The following SNX29 variants were observed in gnomAD, a reference collection of about 807,000 sequenced individuals.
SNX29 encodes sorting nexin 29, also known as sorting nexin-29.
In SNX29, 78 loss-of-function variants were observed where a neutral mutation model predicts 102.1. That is an observed-to-expected ratio of 0.76 (90% CI 0.64 to 0.92). The LOEUF is 0.92. Ranked by LOEUF, SNX29 falls within the 40% of genes least tolerant of loss-of-function variation. The probability of loss-of-function intolerance (pLI) is 0.00; values close to 1 mark genes in which losing one functional copy is unlikely to be tolerated. For missense variants in SNX29, 1,280 were observed against 1,061.7 expected (o/e 1.21, Z -2.86); for synonymous variants, 580 against 414.5 (o/e 1.40, Z -4.85).
intron 20 of SNX29, among the ~76,000 whole-genome samples, chr16:12,534,509 A>G (rs2077017777): frequency 6.6e-6 from 1 of 152,216 alleles, no homozygotes; most frequent in Non-Finnish European, 1.5e-5. Context: ...GCAGCTCAGC[A>G]AGAAAAGTGG....
chr16:12,555,501 G>A (rs3135010), intron 20 of SNX29, among the ~76,000 whole-genome samples: 31,342 of 151,238 alleles, frequency 0.21, 3,392 homozygotes, highest in East Asian at 0.43. Context: ...GGGGAGTCAC[G>A]CAGGGATTGA....
chr16:12,417,338 C>T (rs2084677608), intron 18 of SNX29, among the ~76,000 whole-genome samples: 2 of 152,188 alleles, frequency 1.3e-5, no homozygotes, highest in African/African-American at 4.8e-5. Context: ...TGGAAGCCGC[C>T]TCTGTCCAGG....
rs115847897 is a variant in SNX29 at position 12,531,435 on chromosome 16, C to G, written c.2318+6594C>G. Among the ~76,000 whole-genome samples the G allele has an allele frequency of 8.5e-3, 1,301 of 152,318 alleles. 20 individuals carry two copies. The highest frequency in any genetic ancestry group is 0.029 in the African/African-American group (1,222 of 41,576). On this transcript the variant is annotated intron_variant, in intron 20 of 20. Coordinates refer to ENST00000566228, the MANE Select transcript of SNX29 (RefSeq NM_032167.5). ...GTTGCAGACAGAAGGCAGGGAGGGCCTGACCCAGATGGCCAAGAGGAAAGG... is the reference window on the plus strand; with the variant it reads ...GTTGCAGACAGAAGGCAGGGAGGGCGTGACCCAGATGGCCAAGAGGAAAGG...
intron 13 of SNX29, among the ~76,000 whole-genome samples, chr16:12,198,485 C>G (rs947568115): frequency 6.6e-5 from 10 of 151,990 alleles, no homozygotes; most frequent in African/African-American, 2.4e-4. Context: ...CAGAAAAAAC[C>G]CAGTCTTCAG....
intron 11 of SNX29, among the ~76,000 whole-genome samples, chr16:12,111,229 A>G (rs1471339702): frequency 6.6e-6 from 1 of 152,100 alleles, no homozygotes; most frequent in African/African-American, 2.4e-5. Flanking sequence ...GTGCATGCAC[A>G]CACCTGTACC....
chr16:12,111,905 T>TG (rs552215974), intron 11 of SNX29, among the ~76,000 whole-genome samples: 230 of 152,010 alleles, frequency 1.5e-3, no homozygotes, highest in African/African-American at 4.8e-3. Context: ...GGGTGTGTGG[T>TG]GGGGGGTCTA....
At chr16:12,208,446 A>T (rs1014059603) in intron 14 of SNX29, among the ~76,000 whole-genome samples, 1 of 152,158 alleles carries the variant, frequency 6.6e-6, no homozygotes, top group Non-Finnish European at 1.5e-5. Flanking sequence ...GTGAGGATCT[A>T]TGGTAGGAAG....
intron 13 of SNX29, among the ~76,000 whole-genome samples, chr16:12,156,996 G>A (rs1050621446): frequency 6.6e-6 from 1 of 152,166 alleles, no homozygotes; most frequent in Non-Finnish European, 1.5e-5. Flanking sequence ...TCAGGGGCTT[G>A]GATTTAGGTG....
intron 20 of SNX29, chr16:12,526,599 TTCTCATCCTC>T (rs1485605598): frequency 1.3e-5 from 7 of 532,068 alleles, no homozygotes; most frequent in African/African-American, 7.5e-5. Context: ...ACGTGAGGAG[TTCTCATCCTC>T]TTAGCGGCAT....
intron 17 of SNX29, among the ~76,000 whole-genome samples, chr16:12,402,553 A>G (rs1162871447): frequency 6.6e-6 from 1 of 152,242 alleles, no homozygotes; most frequent in Non-Finnish European, 1.5e-5. Flanking sequence ...CAGTCAGCTT[A>G]TTCGCTCTGT....
chr16:12,448,230 C>T (rs1245834002), intron 18 of SNX29, among the ~76,000 whole-genome samples: 2 of 152,194 alleles, frequency 1.3e-5, no homozygotes, highest in African/African-American at 2.4e-5. Context: ...ACTTCAAAGC[C>T]TGTGAGTTTC....
intron 11 of SNX29, among the ~76,000 whole-genome samples, chr16:12,107,771 G>A (rs1470072865): frequency 6.6e-6 from 1 of 152,142 alleles, no homozygotes; most frequent in African/African-American, 2.4e-5. Context: ...TTGTTCTGGA[G>A]TTTCATTCTC....
chr16:12,356,115 T>C (rs765592457), intron 15 of SNX29, 48 bp from the exon 16 acceptor site: 4 of 1,558,980 alleles, frequency 2.6e-6, no homozygotes, highest in Non-Finnish European at 8.7e-7. Flanking sequence ...GATTGGTCCC[T>C]GGGGAATGTC....
intron 15 of SNX29, among the ~76,000 whole-genome samples, chr16:12,285,792 C>G (rs2079575762): frequency 6.6e-6 from 1 of 150,488 alleles, no homozygotes; most frequent in South Asian, 2.1e-4. Flanking sequence ...ATAAAAAACT[C>G]TGAGCTGAGA....
intron 14 of SNX29, among the ~76,000 whole-genome samples, chr16:12,243,760 A>G (rs1200973099): frequency 6.6e-6 from 1 of 152,082 alleles, no homozygotes; most frequent in Non-Finnish European, 1.5e-5. Context: ...GGGCTCATTC[A>G]CCCTCTCAGA....
At chr16:12,212,246 T>G (rs186932808) in intron 14 of SNX29, among the ~76,000 whole-genome samples, 1 of 152,240 alleles carries the variant, frequency 6.6e-6, no homozygotes, top group Admixed American at 6.5e-5. Context: ...GAAAACTGAT[T>G]GTGTGCCATG....
In SNX29 at chr16:12,560,950, A is replaced by G. The variant is rs1225227712; in HGVS notation, c.2319-7556A>G. 5.2e-5 allele frequency: 11 copies of G among 210,088 alleles called. No individual in the cohort carries two copies. The Admixed American group carries it at 5.9e-4, about 11-fold the overall frequency. The allele number at this position is 210,088 out of a possible 1,614,324, so 13.0% of individuals were successfully genotyped here. On this transcript the variant is annotated intron_variant, in intron 20 of 20. Coordinates refer to ENST00000566228, the MANE Select transcript of SNX29 (RefSeq NM_032167.5). ...TCGTGGTGTTGGGATCCGGAGAACC[A>G]GACCCAGACCTGCCTTCAAGGAACC... is the stretch of plus-strand genomic sequence containing the variant.
chr16:12,547,783 A>T (rs552056235), intron 20 of SNX29, among the ~76,000 whole-genome samples: 34 of 152,262 alleles, frequency 2.2e-4, no homozygotes, highest in African/African-American at 8.2e-4. Context: ...TTGCCTGGCT[A>T]CCGAACAGAA....
chr16:12,416,885 T>G (rs557760976), intron 18 of SNX29, among the ~76,000 whole-genome samples: 1 of 152,234 alleles, frequency 6.6e-6, no homozygotes, highest in Non-Finnish European at 1.5e-5. Flanking sequence ...TAGGCCCACC[T>G]CCAGCTTCAG....
Sources: allele counts gnomAD v4.1 joint callset (sites outside exome capture counted in the v4.1 genomes callset), GRCh38; gene constraint gnomAD v4.1.1; transcripts MANE v1.5; gene names NCBI Gene and HGNC (gene_info 2026-07-23, HGNC 2026-07-21).